Variants in TACR1 observed in about 807,000 individuals in gnomAD.
TACR1 encodes the protein substance-P receptor.
A neutral mutation model predicts 35.8 loss-of-function variants in TACR1; 25 were observed. That is an observed-to-expected ratio of 0.70 (90% CI 0.51 to 0.98). TACR1 has a LOEUF of 0.98. Ranked by LOEUF, TACR1 falls within the 50% of genes least tolerant of loss-of-function variation. The probability of loss-of-function intolerance (pLI) is 0.00; values close to 1 mark genes in which losing one functional copy is unlikely to be tolerated. For synonymous variants in TACR1, 195 were observed against 206.7 expected (o/e 0.94, Z 0.48); for missense variants, 478 against 522.9 (o/e 0.91, Z 0.84).
In TACR1 at chr2:75,149,309, C is replaced by T. The variant is rs531790951; in HGVS notation, c.390-28541G>A. On this transcript the variant is annotated intron_variant, in intron 1 of 4. Coordinates refer to ENST00000305249, the MANE Select transcript of TACR1 (RefSeq NM_001058.4). ...AATGGTAGTTTGATGGGAATAGAAA[C>T]GAATCTATAAATTACTTTGGGCAGT... 2.5e-3 allele frequency among the ~76,000 whole-genome samples: 374 copies of T among 152,104 alleles called. 1 individual carries two copies. Among genetic ancestry groups the T allele is most frequent in the African/African-American group, 8.6e-3 (357 of 41,506 alleles).
At chr2:75,166,271 CAG>C (rs1185350849) in intron 1 of TACR1, among the ~76,000 whole-genome samples, 1 of 152,166 alleles carries the variant, frequency 6.6e-6, no homozygotes, top group Non-Finnish European at 1.5e-5. Context: ...GATAAAATCT[CAG>C]AAACTAGCGC....
At chr2:75,092,831 A>G (rs1673336888) in intron 2 of TACR1, among the ~76,000 whole-genome samples, 1 of 152,180 alleles carries the variant, frequency 6.6e-6, no homozygotes, top group Non-Finnish European at 1.5e-5. Flanking sequence ...GGGCAGATAC[A>G]TGGGATCCTC....
At chr2:75,157,130 G>A (rs1674880548) in intron 1 of TACR1, among the ~76,000 whole-genome samples, 1 of 152,160 alleles carries the variant, frequency 6.6e-6, no homozygotes, top group Non-Finnish European at 1.5e-5. Flanking sequence ...ATTCAGGTCT[G>A]TGGTAGTGGC....
chr2:75,107,234 T>G (rs1673668145), intron 2 of TACR1, among the ~76,000 whole-genome samples: 1 of 152,088 alleles, frequency 6.6e-6, no homozygotes, highest in Middle Eastern at 3.4e-3. Context: ...AAGGCAAAGC[T>G]TTTAAAAATA....
intron 2 of TACR1, among the ~76,000 whole-genome samples, chr2:75,113,559 T>G (rs1376535674): frequency 8.2e-6 from 1 of 121,388 alleles, no homozygotes; most frequent in African/African-American, 3.1e-5. Flanking sequence ...TTTTTTTTAC[T>G]TTGTTCACTC....
intron 1 of TACR1, among the ~76,000 whole-genome samples, chr2:75,162,357 G>T (rs1675030737): frequency 6.6e-6 from 1 of 152,152 alleles, no homozygotes; most frequent in Non-Finnish European, 1.5e-5. Context: ...TTTAAAAAAT[G>T]TGTTAGAGGC....
At chr2:75,198,374 G>A (rs1676044349) in intron 1 of TACR1, among the ~76,000 whole-genome samples, 172 bp downstream of exon 1, 2 of 152,118 alleles carry the variant, frequency 1.3e-5, no homozygotes, top group African/African-American at 4.8e-5. Flanking sequence ...AAAAAAAGTT[G>A]AAATACATAA....
rs755506598 is a variant in TACR1 at position 75,046,780 on chromosome 2, TGAGGAGGAA to T, written c.*2643_*2651del. On this transcript the variant is annotated 3_prime_UTR_variant, in exon 5 of 5. Transcript: ENST00000305249. ...ATCAGGGCTCCTCCCTGAGAAAGCA[TGAGGAGGAA>T]GAGGAGGAAGAGATTCACACAATAC... 5.3e-5 allele frequency: 8 copies of T among 152,202 alleles called. No homozygotes were observed. The highest frequency in any genetic ancestry group is 4.2e-4 in the South Asian group (2 of 4,816). 9.4% of individuals were successfully genotyped at this position (152,202 alleles called of 1,614,324 possible).
At chr2:75,141,567 T>C (rs1674408084) in intron 1 of TACR1, among the ~76,000 whole-genome samples, 1 of 151,374 alleles carries the variant, frequency 6.6e-6, no homozygotes, top group African/African-American at 2.4e-5. Flanking sequence ...TGGAGGATGG[T>C]ACTAGGAAAG....
intron 1 of TACR1, among the ~76,000 whole-genome samples, chr2:75,132,185 A>T (rs1409984754): frequency 6.6e-6 from 1 of 152,192 alleles, no homozygotes; most frequent in Non-Finnish European, 1.5e-5. Flanking sequence ...AAAGTATAAA[A>T]TTGAGAAAAT....
At chr2:75,082,445 T>C (rs1178806056) in intron 2 of TACR1, among the ~76,000 whole-genome samples, 1 of 152,214 alleles carries the variant, frequency 6.6e-6, no homozygotes, top group Non-Finnish European at 1.5e-5. Context: ...TACCCAGTAA[T>C]GGGATGGCTG....
chr2:75,113,963 A>G (rs1673803601), intron 2 of TACR1, among the ~76,000 whole-genome samples: 1 of 152,156 alleles, frequency 6.6e-6, no homozygotes. Flanking sequence ...TATTATTGTG[A>G]ACGAAAGTAA....
At chr2:75,062,828 T>A (rs775170952) in intron 2 of TACR1, among the ~76,000 whole-genome samples, 1 of 152,244 alleles carries the variant, frequency 6.6e-6, no homozygotes, top group Non-Finnish European at 1.5e-5. Context: ...ACATGATAGG[T>A]CATACATGGT....
At chr2:75,111,402 G>A (rs1211505513) in intron 2 of TACR1, among the ~76,000 whole-genome samples, 3 of 152,028 alleles carry the variant, frequency 2.0e-5, no homozygotes, top group Non-Finnish European at 2.9e-5. Context: ...TCTGTGTGAT[G>A]TTTACAGGAT....
intron 2 of TACR1, among the ~76,000 whole-genome samples, chr2:75,093,721 G>C (rs1478778149): frequency 6.6e-6 from 1 of 152,070 alleles, no homozygotes; most frequent in Non-Finnish European, 1.5e-5. Flanking sequence ...TTGGCAGATA[G>C]TCATTTATAA....
At chr2:75,108,782 C>G (rs1007610189) in intron 2 of TACR1, among the ~76,000 whole-genome samples, 2 of 152,078 alleles carry the variant, frequency 1.3e-5, no homozygotes, top group African/African-American at 4.8e-5. Flanking sequence ...AAAAGATAAG[C>G]TCACAAAACT....
chr2:75,156,216 G>A (rs920914879), intron 1 of TACR1: 58 of 152,258 alleles, frequency 3.8e-4, no homozygotes, highest in African/African-American at 1.4e-3. Context: ...GAGGAGAAGA[G>A]ACATACAGAG....
intron 2 of TACR1, among the ~76,000 whole-genome samples, chr2:75,102,299 A>G (rs1484256687): frequency 6.6e-6 from 1 of 152,224 alleles, no homozygotes; most frequent in Non-Finnish European, 1.5e-5. Flanking sequence ...GGCACAAACC[A>G]GAGCAGCCAG....
At chr2:75,088,045 A>G (rs1237730513) in intron 2 of TACR1, among the ~76,000 whole-genome samples, 1 of 152,128 alleles carries the variant, frequency 6.6e-6, no homozygotes, top group Non-Finnish European at 1.5e-5. Flanking sequence ...CTCGGTCCTC[A>G]TTTCTCTAGC....
Sources: gnomAD v4.1 joint callset for allele counts (sites outside exome capture counted in the v4.1 genomes callset) on GRCh38, gnomAD v4.1.1 for gene constraint, MANE v1.5 for transcripts, NCBI Gene and HGNC (gene_info 2026-07-23, HGNC 2026-07-21) for gene names.